Variants in SLC19A1 observed in about 807,000 individuals in gnomAD.
The protein encoded by SLC19A1 is reduced folate transporter.
A neutral mutation model predicts 35.3 loss-of-function variants in SLC19A1; 37 were observed. The ratio of observed to expected loss-of-function variants is 1.05; its 90% CI spans 0.81 to 1.38. The LOEUF is 1.38. SLC19A1 is among the 40% of genes most tolerant of loss of function. SLC19A1 has a pLI of 0.00. For missense variants in SLC19A1, 831 were observed against 826.9 expected (o/e 1.00, Z -0.06); for synonymous variants, 460 against 398.5 (o/e 1.15, Z -1.84).
At chr21:45,527,935 G>A (rs1159800606) in intron 4 of SLC19A1, among the ~76,000 whole-genome samples, 2 of 111,654 alleles carry the variant, frequency 1.8e-5, no homozygotes, top group African/African-American at 6.7e-5. Flanking sequence ...AATCTGCAAA[G>A]TGCTTAAAAA....
rs572466399 is a variant in SLC19A1 at position 45,514,687 on chromosome 21, C to T, written c.*971G>A. On this transcript the variant is annotated 3_prime_UTR_variant, in exon 6 of 6. Coordinates refer to ENST00000311124, the MANE Select transcript of SLC19A1 (RefSeq NM_194255.4). ...CTGACCCTCAACCCCCAGGCCAGGC[C>T]GGCCCTGAATCAGAAGCCCTGCGCA... The T allele has an allele frequency of 3.3e-6, 1 of 299,654 alleles. No homozygotes were observed. The highest frequency in any genetic ancestry group is 6.1e-6 in the Non-Finnish European group (1 of 163,458). The allele number at this position is 299,654 out of a possible 1,614,324, so 18.6% of individuals were successfully genotyped here.
intron 5 of SLC19A1, among the ~76,000 whole-genome samples, chr21:45,522,169 G>C (rs1451143627): frequency 6.6e-6 from 1 of 152,188 alleles, no homozygotes; most frequent in Non-Finnish European, 1.5e-5. Context: ...ATGGGCAGAA[G>C]ATGTGAAGAT....
intron 3 of SLC19A1, chr21:45,505,578 A>G: frequency 1.5e-6 from 1 of 680,792 alleles, no homozygotes; most frequent in Non-Finnish European, 2.6e-6. Context: ...AAGCGGGGCC[A>G]GGCCATGGGG....
Position 45,556,711 on chromosome 21 carries a change from G to A in SLC19A1, c.-50+6031C>T, listed in dbSNP as rs144547271. Reference sequence around the variant, plus strand: ...TGCCACAGACAGGACAGAACAGGACGTTGTCAAGCGCTCTGTGGCTGATCT... The same window carrying A: ...TGCCACAGACAGGACAGAACAGGACATTGTCAAGCGCTCTGTGGCTGATCT... On this transcript the variant is annotated intron_variant, in intron 1 of 5. Transcript: ENST00000650808. Among the ~76,000 whole-genome samples, 419 of 152,328 alleles carry A rather than the reference G, an allele frequency of 2.8e-3. 2 individuals carry two copies. The highest frequency in any genetic ancestry group is 9.6e-3 in the African/African-American group (398 of 41,566).
At chr21:45,512,136 G>A, downstream of SLC19A1, 13 of 1,569,926 alleles carry the variant, frequency 8.3e-6, no homozygotes, top group African/African-American at 1.4e-5. Context: ...AGCGGCCTCT[G>A]CCCTAAGCAG....
intron 3 of SLC19A1, chr21:45,504,508 C>A: frequency 5.3e-6 from 5 of 944,860 alleles, no homozygotes. Flanking sequence ...TGCCCGGCCC[C>A]CCCGGCCCCC....
At chr21:45,527,439 G>A (rs938222100) in intron 4 of SLC19A1, among the ~76,000 whole-genome samples, 5 of 145,900 alleles carry the variant, frequency 3.4e-5, no homozygotes, top group Non-Finnish European at 3.0e-5. Flanking sequence ...GTGGGCCCTG[G>A]AGGTGAGTGG....
At chr21:45,549,163 G>A (rs988772827), upstream of SLC19A1, among the ~76,000 whole-genome samples, 17 of 152,312 alleles carry the variant, frequency 1.1e-4, no homozygotes, top group African/African-American at 2.6e-4. Flanking sequence ...GGATAAACAC[G>A]CAGTACATCC....
rs556902369 is a variant in SLC19A1, at chr21:45,505,238, C to G, written c.498-6626G>C. Reference sequence around the variant, plus strand: ...GCCAGGGCCCTCCCGGCCCCCCAGGCCCCCCAGGGCCCCCTTCATTTCCTG... The same window carrying G: ...GCCAGGGCCCTCCCGGCCCCCCAGGGCCCCCAGGGCCCCCTTCATTTCCTG... On this transcript the variant is annotated intron_variant, in intron 3 of 4. Coordinates refer to the SLC19A1 transcript ENST00000417954. The G allele has an allele frequency of 3.1e-6, 5 of 1,598,612 alleles. No homozygotes were observed. The highest frequency in any genetic ancestry group is 2.6e-6 in the Non-Finnish European group (3 of 1,169,754).
rs928923014 is a variant in SLC19A1, at chr21:45,517,862, C to G, written c.1294-1722G>C. 5.3e-4 allele frequency among the ~76,000 whole-genome samples: 80 copies of G among 152,216 alleles called. 1 individual carries two copies. Among genetic ancestry groups the G allele is most frequent in the African/African-American group, 3.1e-4 (13 of 41,450 alleles). On this transcript the variant is annotated intron_variant, in intron 5 of 5. Transcript: ENST00000311124. The surrounding 1 kb of genome is among the most constrained non-coding windows in gnomAD (Gnocchi z 4.4). ...GGTGTCACAAAGGCTGAGTGAGAGCCTGGACTTCCACCCCACCTGCCTGTA... is the reference window on the plus strand; with the variant it reads ...GGTGTCACAAAGGCTGAGTGAGAGCGTGGACTTCCACCCCACCTGCCTGTA...
chr21:45,529,817 TGTGA>T (rs1019309330), intron 4 of SLC19A1, among the ~76,000 whole-genome samples: 31 of 144,026 alleles, frequency 2.2e-4, no homozygotes, highest in East Asian at 1.4e-3. Flanking sequence ...GGTGTGTCCA[TGTGA>T]GTGTGTGGTG....
At chr21:45,551,457 A>AGGCC (rs1182395882) in intron 1 of SLC19A1, among the ~76,000 whole-genome samples, 2 of 152,222 alleles carry the variant, frequency 1.3e-5, no homozygotes, top group African/African-American at 4.8e-5. Context: ...ACCTTTGGCC[A>AGGCC]GGCCCATGGA....
chr21:45,506,091 A>G (rs2037188513), intron 3 of SLC19A1: 3 of 1,429,010 alleles, frequency 2.1e-6, no homozygotes, highest in Non-Finnish European at 2.9e-6. Flanking sequence ...AGCGCTTCTT[A>G]AACTTTCAAA....
At chr21:45,523,408 C>G (rs1053894177) in intron 5 of SLC19A1, among the ~76,000 whole-genome samples, 1 of 152,234 alleles carries the variant, frequency 6.6e-6, no homozygotes, top group Non-Finnish European at 1.5e-5. Flanking sequence ...GCCTCCACCT[C>G]CCCAGAGCTG....
At chr21:45,527,157 G>A (rs945757379) in intron 4 of SLC19A1, among the ~76,000 whole-genome samples, 2 of 151,740 alleles carry the variant, frequency 1.3e-5, no homozygotes, top group African/African-American at 4.8e-5. Context: ...GGAGTTGAGT[G>A]GCAGCTGGGC....
At chr21:45,536,612 A>ACG (rs2078120499) in intron 2 of SLC19A1, 1 of 161,386 alleles carries the variant, frequency 6.2e-6, no homozygotes, top group Admixed American at 6.5e-5. Flanking sequence ...TGAGCTGGGC[A>ACG]CGCGGGAAGG....
chr21:45,552,588 G>A (rs1302164607), intron 1 of SLC19A1, among the ~76,000 whole-genome samples: 1 of 152,194 alleles, frequency 6.6e-6, no homozygotes, highest in African/African-American at 2.4e-5. Context: ...GCTATAATCC[G>A]CAGTCACCAG....
intron 1 of SLC19A1, among the ~76,000 whole-genome samples, chr21:45,552,150 G>A (rs949679575): frequency 6.6e-6 from 1 of 152,202 alleles, no homozygotes; most frequent in African/African-American, 2.4e-5. Context: ...TCCTCAGGAG[G>A]AGACAGTGAT....
chr21:45,532,110 G>A lies in SLC19A1; in HGVS notation c.228C>T (p.Tyr76=), dbSNP rs958910561. The A allele has an allele frequency of 1.9e-6, 3 of 1,610,742 alleles. No individual in the cohort carries two copies. Among genetic ancestry groups the A allele is most frequent in the Non-Finnish European group, 2.5e-6 (3 of 1,178,504 alleles). ...NEITPVLSYS[Y]LAVLVPVFLL... ...GGAACACGGGCACCAGCACGGCCAG[G>A]TAGGAGTACGACAGCACCGGCGTGA... Residue 76 remains tyrosine, a synonymous_variant, in exon 3 of 6, where the codon TAC becomes TAT. Coordinates refer to ENST00000311124, the MANE Select transcript of SLC19A1 (RefSeq NM_194255.4).
Sources: gnomAD v4.1 joint callset for allele counts (sites outside exome capture counted in the v4.1 genomes callset) on GRCh38, gnomAD v4.1.1 for gene constraint, Gnocchi (gnomAD v3.1) non-coding constraint, MANE v1.5 for transcripts, NCBI Gene and HGNC (gene_info 2026-07-23, HGNC 2026-07-21) for gene names.